The following SAMD4B variants were observed in gnomAD, a reference collection of about 807,000 sequenced individuals.
SAMD4B encodes sterile alpha motif domain containing 4B.
In SAMD4B, 5 loss-of-function variants were observed where a neutral mutation model predicts 74.5. That is an observed-to-expected ratio of 0.07 (90% CI 0.04 to 0.14). The LOEUF (loss-of-function observed/expected upper bound fraction) is 0.14, where lower values mean the gene tolerates loss of function less well. Ranked by LOEUF, SAMD4B falls within the 10% of genes least tolerant of loss-of-function variation. The pLI is 1.00. For synonymous variants in SAMD4B, 373 were observed against 374.9 expected (o/e 1.00, Z 0.06); for missense variants, 608 against 921.8 (o/e 0.66, Z 4.41).
chr19:39,357,107 G>A lies in SAMD4B; in HGVS notation c.196+18G>A. The stretch of plus-strand genomic sequence containing the variant: ...CAGTGCTGGTGAGTTTCCACCCTTA[G>A]AGATGGGAGCACAGCAGGAGGGAGA... On this transcript the variant is annotated intron_variant, in intron 3 of 13. Coordinates refer to ENST00000610417, the MANE Select transcript of SAMD4B (RefSeq NM_001384574.2). 6.3e-7 allele frequency: 1 copy of A among 1,589,112 alleles called. No homozygotes were observed. Among genetic ancestry groups the A allele is most frequent in the Non-Finnish European group, 8.6e-7 (1 of 1,162,172 alleles).
intron 3 of SAMD4B, among the ~76,000 whole-genome samples, chr19:39,362,714 G>A (rs888603172): frequency 6.6e-6 from 1 of 152,138 alleles, no homozygotes; most frequent in Non-Finnish European, 1.5e-5. Context: ...GACTAGGGGG[G>A]TCAGGGGAGC....
At chr19:39,359,810 A>C (rs1244689324) in intron 3 of SAMD4B, 1 of 152,180 alleles carries the variant, frequency 6.6e-6, no homozygotes, top group African/African-American at 2.4e-5. Context: ...ACAGTGATGT[A>C]ATGAGTACCC....
At position 39,342,430 on chromosome 19, in the gene SAMD4B, T is replaced by TGACGCAGCGCGACGGCGGCGGCGGC. The variant is rs1281922121; in HGVS notation, c.-411_-387dup. 5.7e-6 allele frequency: 1 copy of TGACGCAGCGCGACGGCGGCGGCGGC among 174,858 alleles called. No individual in the cohort carries two copies. The highest frequency in any genetic ancestry group is 6.4e-5 in the Admixed American group (1 of 15,610). 10.8% of individuals were successfully genotyped at this position (174,858 alleles called of 1,614,324 possible). Reference sequence around the variant, plus strand: ...CCAGGGGCGGTGACGCACGGCGCGGTGACGCAGCGCGACGGCGGCGGCGGC... The same window carrying TGACGCAGCGCGACGGCGGCGGCGGC: ...CCAGGGGCGGTGACGCACGGCGCGGTGACGCAGCGCGACGGCGGCGGCGGCGACGCAGCGCGACGGCGGCGGCGGC... On this transcript the variant is annotated 5_prime_UTR_variant, in exon 1 of 14. Transcript: ENST00000610417.
chr19:39,370,797 T>TA (rs1392128540), intron 4 of SAMD4B, among the ~76,000 whole-genome samples: 1 of 152,246 alleles, frequency 6.6e-6, no homozygotes, highest in African/African-American at 2.4e-5. Flanking sequence ...CTAGGTACTC[T>TA]TTTATAGACA....
intron 5 of SAMD4B, 127 bp from the exon 6 acceptor site, chr19:39,376,310 C>T (rs2077593729): frequency 8.6e-6 from 6 of 698,174 alleles, no homozygotes; most frequent in East Asian, 2.7e-5. Flanking sequence ...AACCTTAGCT[C>T]CCCCCAACCC....
chr19:39,344,817 A>G (rs530886481), intron 1 of SAMD4B, among the ~76,000 whole-genome samples: 1 of 151,726 alleles, frequency 6.6e-6, no homozygotes, highest in East Asian at 1.9e-4. Flanking sequence ...CTTTCAGACC[A>G]TTTTTCTTAG....
intron 1 of SAMD4B, chr19:39,350,755 C>T: frequency 6.6e-6 from 1 of 152,174 alleles, no homozygotes; most frequent in Non-Finnish European, 1.5e-5. Context: ...CCCCAAAGTG[C>T]TGGGATTACA....
chr19:39,354,955 C>T (rs899547228), intron 2 of SAMD4B, among the ~76,000 whole-genome samples: 6 of 152,222 alleles, frequency 3.9e-5, no homozygotes, highest in African/African-American at 1.4e-4. Flanking sequence ...TCACTGCAAC[C>T]TCCGCCTCCC....
chr19:39,346,430 GA>G (rs1388438359), intron 1 of SAMD4B, among the ~76,000 whole-genome samples: 5 of 152,304 alleles, frequency 3.3e-5, no homozygotes, highest in South Asian at 2.1e-4. Context: ...AAAGAAGACA[GA>G]TTTCCTCCAT....
At chr19:39,344,656 C>A (rs147710594) in intron 1 of SAMD4B, among the ~76,000 whole-genome samples, 2 of 152,288 alleles carry the variant, frequency 1.3e-5, no homozygotes, top group African/African-American at 2.4e-5. Context: ...ACTCAGAGAC[C>A]TTTCTCAGGG....
downstream of SAMD4B, chr19:39,386,308 C>T (rs755468832): frequency 1.2e-5 from 19 of 1,614,042 alleles, no homozygotes; most frequent in East Asian, 2.2e-5. This position sits in a 1 kb window ranked among gnomAD's most constrained non-coding sequence, Gnocchi z 6.1. Context: ...TCACTGGCCT[C>T]GTCCCTGTCA....
downstream of SAMD4B, chr19:39,386,582 G>T (rs1289811984): frequency 6.2e-7 from 1 of 1,613,896 alleles, no homozygotes. This position sits in a 1 kb window ranked among gnomAD's most constrained non-coding sequence, Gnocchi z 6.1. Flanking sequence ...CCTGGAAGCA[G>T]CAAGATTGGA....
chr19:39,365,242 TAAAAAAA>T (rs57136164), intron 3 of SAMD4B, among the ~76,000 whole-genome samples: 2 of 90,882 alleles, frequency 2.2e-5, no homozygotes, highest in Non-Finnish European at 4.7e-5. Flanking sequence ...CGAGACTCCG[TAAAAAAA>T]AAAAAAAAAA....
Position 39,383,177 on chromosome 19 carries a change from T to C in SAMD4B, c.1973-31T>C, listed in dbSNP as rs1249888621. 3 of 1,595,232 alleles carry C rather than the reference T, an allele frequency of 1.9e-6. No homozygotes were observed. Among genetic ancestry groups the C allele is most frequent in the East Asian group, 2.2e-5 (1 of 44,808 alleles). On this transcript the variant is annotated intron_variant, in intron 12 of 13. Coordinates refer to ENST00000610417, the MANE Select transcript of SAMD4B (RefSeq NM_001384574.2). The surrounding 1 kb of genome is among the most constrained non-coding windows in gnomAD (Gnocchi z 4.1). The stretch of plus-strand genomic sequence containing the variant: ...TCTTCACCTGAGTCCAGTTGGTCCT[T>C]ACCACCCCCATTCTCCTCTCTCCCA...
chr19:39,357,189 G>C (rs1354590327), intron 3 of SAMD4B, 100 bp downstream of exon 3: 1 of 1,090,178 alleles, frequency 9.2e-7, no homozygotes, highest in African/African-American at 1.6e-5. Context: ...ACTAAAAAAC[G>C]TGGGTTCTAG....
chr19:39,351,489 T>A (rs1331748109), intron 1 of SAMD4B: 1 of 152,176 alleles, frequency 6.6e-6, no homozygotes, highest in South Asian at 2.1e-4. Flanking sequence ...AGACCAGTAG[T>A]GCATTCTGTT....
At position 39,378,646 on chromosome 19, in the gene SAMD4B, C is replaced by T. The variant is rs532716586; in HGVS notation, c.1530+57C>T. On this transcript the variant is annotated intron_variant, in intron 9 of 13. Transcript: ENST00000610417. This position sits in a 1 kb window ranked among gnomAD's most constrained non-coding sequence, Gnocchi z 4.4. Reference sequence around the variant, plus strand: ...AAAGGCGGCCAGGCGTGGTGGTTCACGCCTGTAGTCCCAGCACTTCGGCCA... The same window carrying T: ...AAAGGCGGCCAGGCGTGGTGGTTCATGCCTGTAGTCCCAGCACTTCGGCCA... 15 of 1,481,364 alleles carry T rather than the reference C, an allele frequency of 1.0e-5. No individual in the cohort carries two copies. Among genetic ancestry groups the T allele is most frequent in the South Asian group, 6.8e-5 (6 of 87,830 alleles). 91.8% of individuals were successfully genotyped at this position (1,481,364 alleles called of 1,614,324 possible). A position where few individuals can be genotyped will look rare whatever the true frequency, so the allele number is the denominator to read the frequency against.
At chr19:39,343,091 G>A (rs1339219412) in intron 1 of SAMD4B, among the ~76,000 whole-genome samples, 1 of 151,452 alleles carries the variant, frequency 6.6e-6, no homozygotes, top group African/African-American at 2.4e-5. Flanking sequence ...ATTCCACAGC[G>A]TGGCTCTCAT....
intron 4 of SAMD4B, among the ~76,000 whole-genome samples, chr19:39,371,400 G>A (rs2077287568): frequency 6.6e-6 from 1 of 152,202 alleles, no homozygotes; most frequent in Non-Finnish European, 1.5e-5. Context: ...AAGATAGAGG[G>A]ATAGAAGGGC....
Sources: gnomAD v4.1 joint callset for allele counts (sites outside exome capture counted in the v4.1 genomes callset) on GRCh38, gnomAD v4.1.1 for gene constraint, Gnocchi (gnomAD v3.1) non-coding constraint, MANE v1.5 for transcripts, NCBI Gene and HGNC (gene_info 2026-07-23, HGNC 2026-07-21) for gene names.